PRMT8: variants seen among roughly 807,000 people sequenced by gnomAD.
The protein encoded by PRMT8 is protein arginine methyltransferase 8, also known as protein arginine N-methyltransferase 8.
In PRMT8, 7 loss-of-function variants were observed where a neutral mutation model predicts 47.1. The ratio of observed to expected loss-of-function variants is 0.15; its 90% CI spans 0.08 to 0.28. The LOEUF (loss-of-function observed/expected upper bound fraction) is 0.28, where lower values mean the gene tolerates loss of function less well. Ranked by LOEUF, PRMT8 falls within the 10% of genes least tolerant of loss-of-function variation. The probability of loss-of-function intolerance (pLI) is 1.00; values close to 1 mark genes in which losing one functional copy is unlikely to be tolerated. For synonymous variants in PRMT8, 188 were observed against 186.5 expected (o/e 1.01, Z -0.07); for missense variants, 237 against 505.4 (o/e 0.47, Z 5.09).
rs779592275 is a variant in PRMT8 at position 3,552,764 on chromosome 12, G to T, written c.418-887G>T. On this transcript the variant is annotated intron_variant, in intron 3 of 9. Coordinates refer to ENST00000382622, the MANE Select transcript of PRMT8 (RefSeq NM_019854.5). This position sits in a 1 kb window ranked among gnomAD's most constrained non-coding sequence, Gnocchi z 4.5. ...TCAGAAACTCCCTCAGTGCCCCTTT[G>T]CGAGTACTTCTCAAGGGAATGGTCC... 2 of 478,888 alleles carry T rather than the reference G, an allele frequency of 4.2e-6. No individual in the cohort carries two copies. Among genetic ancestry groups the T allele is most frequent in the Non-Finnish European group, 8.4e-6 (2 of 239,054 alleles). 29.7% of individuals were successfully genotyped at this position (478,888 alleles called of 1,614,324 possible).
At chr12:3,446,428 A>C (rs1681641520) in intron 1 of PRMT8, among the ~76,000 whole-genome samples, 1 of 152,134 alleles carries the variant, frequency 6.6e-6, no homozygotes, top group Non-Finnish European at 1.5e-5. Context: ...GACTGCCTGC[A>C]GAATCTTGCT....
At chr12:3,578,565 A>T (rs1866992965) in intron 7 of PRMT8, among the ~76,000 whole-genome samples, 1 of 152,162 alleles carries the variant, frequency 6.6e-6, no homozygotes, top group African/African-American at 2.4e-5. Flanking sequence ...CCTGAGTCTC[A>T]TCTTGCTAAC....
intron 1 of PRMT8, among the ~76,000 whole-genome samples, chr12:3,422,486 C>T (rs373394319): frequency 2.6e-5 from 4 of 152,168 alleles, no homozygotes; most frequent in African/African-American, 4.8e-5. Flanking sequence ...CCGAGCTCCC[C>T]GAGTGAGCAA....
rs1436252816 is a variant in PRMT8, at chr12:3,568,820, C to T, written c.596C>T (p.Thr199Met). ...CTGTTCTATGAGTCCATGCTCAACACGGTGATCTTTGCCAGGGACAAGTGG... is the reference window on the plus strand; with the variant it reads ...CTGTTCTATGAGTCCATGCTCAACATGGTGATCTTTGCCAGGGACAAGTGG... The part of the protein sequence containing the change: ...YCLFYESMLN[T>M]VIFARDKWLK... Residue 199 changes from threonine to methionine, a missense_variant, in exon 5 of 10, where the codon ACG becomes ATG. Physicochemically the swap from Thr to Met is moderately conservative, Grantham distance 81. Coordinates refer to ENST00000382622, the MANE Select transcript of PRMT8 (RefSeq NM_019854.5). The T allele has an allele frequency of 4.3e-6, 7 of 1,614,210 alleles. No individual in the cohort carries two copies. The highest frequency in any genetic ancestry group is 5.9e-6 in the Non-Finnish European group (7 of 1,180,040).
chr12:3,568,257 G>A (rs1866764964), intron 4 of PRMT8, among the ~76,000 whole-genome samples: 1 of 152,044 alleles, frequency 6.6e-6, no homozygotes, highest in Admixed American at 6.6e-5. Context: ...ACATGGAATA[G>A]GCTGAGGAGG....
Position 3,566,230 on chromosome 12 carries a change from G to A in PRMT8, c.482-2476G>A, listed in dbSNP as rs963160833. ...TCTTTCAAAATAAGAAATAAATTAG[G>A]CACAATGTTTGCATTTTAAAAAATC... is the stretch of plus-strand genomic sequence containing the variant. On this transcript the variant is annotated intron_variant, in intron 4 of 9. Transcript: ENST00000382622. This position sits in a 1 kb window ranked among gnomAD's most constrained non-coding sequence, Gnocchi z 4.7. Among the ~76,000 whole-genome samples the A allele has an allele frequency of 6.6e-6, 1 of 152,102 alleles. No individual in the cohort carries two copies. The highest frequency in any genetic ancestry group is 1.5e-5 in the Non-Finnish European group (1 of 68,022).
chr12:3,591,388 G>T (rs1867299404), intron 8 of PRMT8, among the ~76,000 whole-genome samples: 1 of 149,650 alleles, frequency 6.7e-6, no homozygotes, highest in Non-Finnish European at 1.5e-5. Context: ...CGTGCACAGA[G>T]AAGCAGGCAG....
rs1044510152 is a variant in PRMT8, at chr12:3,409,447, G to A, written c.48+28005G>A. 3.9e-5 allele frequency among the ~76,000 whole-genome samples: 6 copies of A among 152,078 alleles called. No homozygotes were observed. Among genetic ancestry groups the A allele is most frequent in the Non-Finnish European group, 7.4e-5 (5 of 68,008 alleles). On this transcript the variant is annotated intron_variant, in intron 1 of 9. Transcript: ENST00000452611. This position sits in a 1 kb window ranked among gnomAD's most constrained non-coding sequence, Gnocchi z 4.4. ...TGGGACATGCCAGTATCTGAGGCTC[G>A]GCAAGATAGCAAGGACCCCTGGGTC...
intron 1 of PRMT8, among the ~76,000 whole-genome samples, chr12:3,469,519 G>A (rs1009252682): frequency 2.0e-5 from 3 of 152,152 alleles, no homozygotes; most frequent in African/African-American, 7.2e-5. Context: ...TGCAGAACAG[G>A]CAAATCCAGA....
intron 1 of PRMT8, among the ~76,000 whole-genome samples, chr12:3,518,138 A>G (rs1478637736): frequency 6.6e-6 from 1 of 152,118 alleles, no homozygotes; most frequent in East Asian, 1.9e-4. Context: ...CACAAAGTAG[A>G]GGACAGGGAG....
At chr12:3,454,429 C>T (rs1308545382) in intron 1 of PRMT8, among the ~76,000 whole-genome samples, 1 of 152,054 alleles carries the variant, frequency 6.6e-6, no homozygotes, top group African/African-American at 2.4e-5. Flanking sequence ...GAATCACTGA[C>T]GTTAATCAGA....
chr12:3,490,675 AAGAGAGAGAGAGAGAGAG>A (rs370069857), upstream of PRMT8, among the ~76,000 whole-genome samples: 4,568 of 121,166 alleles, frequency 0.038, 287 homozygotes, highest in African/African-American at 0.13. Flanking sequence ...TTTGGGTACA[AAGAGAGAGAGAGAGAGAG>A]AGAGAGAGAG....
intron 1 of PRMT8, among the ~76,000 whole-genome samples, chr12:3,451,309 G>A (rs1196903475): frequency 6.6e-6 from 1 of 152,044 alleles, no homozygotes; most frequent in South Asian, 2.1e-4. Context: ...CCAGAAAGCG[G>A]GAGTGACACA....
chr12:3,425,421 C>T (rs1256469085), intron 1 of PRMT8, among the ~76,000 whole-genome samples: 2 of 152,222 alleles, frequency 1.3e-5, no homozygotes, highest in East Asian at 1.9e-4. Context: ...GGCCAGGGCC[C>T]CACAGTCTGG....
chr12:3,425,874 A>G (rs1864598950), intron 1 of PRMT8, among the ~76,000 whole-genome samples: 3 of 152,254 alleles, frequency 2.0e-5, no homozygotes, highest in Non-Finnish European at 2.9e-5. Context: ...ACATCCGCTC[A>G]GGGATGAACA....
intron 4 of PRMT8, among the ~76,000 whole-genome samples, chr12:3,567,602 C>T (rs1866744492): frequency 6.6e-6 from 1 of 152,242 alleles, no homozygotes; most frequent in Admixed American, 6.5e-5. Flanking sequence ...TACTCAACCT[C>T]TCTAAGCCTC....
intron 1 of PRMT8, among the ~76,000 whole-genome samples, chr12:3,522,972 T>A (rs1865902942): frequency 1.3e-5 from 2 of 149,776 alleles, no homozygotes; most frequent in African/African-American, 4.9e-5. Context: ...CTACCAGGGG[T>A]AAGGGGGTTC....
At chr12:3,496,233 T>A (rs1314778584) in intron 1 of PRMT8, among the ~76,000 whole-genome samples, 6 of 129,910 alleles carry the variant, frequency 4.6e-5, no homozygotes, top group African/African-American at 1.7e-4. Context: ...TTTTTTTTTT[T>A]TTTTTTTGAA....
rs989345939 is a variant in PRMT8 at position 3,492,609 on chromosome 12, C to T, written c.75+909C>T. Among the ~76,000 whole-genome samples the T allele has an allele frequency of 3.3e-5, 5 of 152,224 alleles. No homozygotes were observed. The highest frequency in any genetic ancestry group is 1.3e-4 in the Admixed American group (2 of 15,282). On this transcript the variant is annotated intron_variant, in intron 1 of 9. Transcript: ENST00000382622. This position sits in a 1 kb window ranked among gnomAD's most constrained non-coding sequence, Gnocchi z 7.5. ...GAGAGCCCTGCTGGGCTTTGCGTCC[C>T]GAGACTCGAGGCTGTGATCCCTCGC... is the stretch of plus-strand genomic sequence containing the variant.
Sources: allele counts gnomAD v4.1 joint callset (sites outside exome capture counted in the v4.1 genomes callset), GRCh38; gene constraint gnomAD v4.1.1; non-coding constraint Gnocchi (gnomAD v3.1); transcripts MANE v1.5; gene names NCBI Gene and HGNC (gene_info 2026-07-23, HGNC 2026-07-21).